Variants in RALGAPA2 observed in about 807,000 individuals in gnomAD.
RALGAPA2 encodes the protein Ral GTPase activating protein catalytic subunit alpha 2.
RALGAPA2 carries 139 observed loss-of-function variants against 230.4 expected under a neutral mutation model. The observed-to-expected ratio is 0.60, with a 90% CI of 0.53 to 0.69. The LOEUF (loss-of-function observed/expected upper bound fraction) is 0.69, where lower values mean the gene tolerates loss of function less well. RALGAPA2 is among the 30% of genes least tolerant of loss of function. The pLI, the probability that RALGAPA2 is intolerant of heterozygous loss-of-function variation, is 0.00. For missense variants in RALGAPA2, 2,163 were observed against 2,276.0 expected, an observed-to-expected ratio of 0.95 and a Z score of 1.01; for synonymous variants, 847 against 837.8, an observed-to-expected ratio of 1.01 and a Z score of -0.19.
intron 1 of RALGAPA2, among the ~76,000 whole-genome samples, chr20:20,696,581 A>G (rs1568767392): frequency 6.6e-6 from 1 of 151,730 alleles, no homozygotes; most frequent in Non-Finnish European, 1.5e-5. Flanking sequence ...ACACCATCTT[A>G]TCCCTATTTC....
chr20:20,512,742 T>A lies in RALGAPA2; in HGVS notation c.4627A>T (p.Asn1543Tyr), dbSNP rs1163313514. 2 of 1,613,820 alleles carry A rather than the reference T, an allele frequency of 1.2e-6. No individual in the cohort carries two copies. The highest frequency in any genetic ancestry group is 4.5e-5 in the East Asian group (2 of 44,874). The change falls in exon 32 of 40, where the codon AAT becomes TAT. Residue 1543 changes from asparagine (N) to tyrosine (Y), a missense_variant. Transcript: ENST00000202677. ...CCACATGGGGTTAGGGAAGGTTCAT[T>A]TAGATTTAGCTGTGACGGTAAAAGG... ...ECLLPSQLNLNEPSLTPCGMN... is the reference protein window; with the variant it reads ...ECLLPSQLNLYEPSLTPCGMN...
intron 4 of RALGAPA2, among the ~76,000 whole-genome samples, chr20:20,648,569 C>T (rs1260888318): frequency 6.6e-6 from 1 of 151,724 alleles, no homozygotes; most frequent in African/African-American, 2.4e-5. Flanking sequence ...AAAGATCAGG[C>T]GACCTGGAAG....
chr20:20,603,906 T>A (rs1277104500), intron 15 of RALGAPA2, among the ~76,000 whole-genome samples: 2 of 152,206 alleles, frequency 1.3e-5, no homozygotes, highest in African/African-American at 2.4e-5. Context: ...ATAAGCAGTG[T>A]GTACCCTTTA....
chr20:20,537,417 C>T lies in RALGAPA2; in HGVS notation c.3286-633G>A, dbSNP rs374793790. 1.9e-3 allele frequency among the ~76,000 whole-genome samples: 291 copies of T among 151,842 alleles called. 1 individual carries two copies. The highest frequency in any genetic ancestry group is 6.5e-3 in the African/African-American group (270 of 41,402). ...GGTGGATCACCTGAAGTCAGGAGTT[C>T]GAGACCAGCCTGGCCAACATGGTGA... On this transcript the variant is annotated intron_variant, in intron 24 of 39. Coordinates refer to ENST00000202677, the MANE Select transcript of RALGAPA2 (RefSeq NM_020343.4).
intron 4 of RALGAPA2, among the ~76,000 whole-genome samples, chr20:20,644,968 T>C (rs2067158813): frequency 6.6e-6 from 1 of 152,218 alleles, no homozygotes; most frequent in African/African-American, 2.4e-5. Flanking sequence ...CAGTTCTCTT[T>C]CCAGCCATCT....
chr20:20,562,941 T>C (rs2064301955), intron 23 of RALGAPA2, among the ~76,000 whole-genome samples: 3 of 152,230 alleles, frequency 2.0e-5, no homozygotes, highest in South Asian at 4.1e-4. Context: ...AAAACTTTCA[T>C]TGATAAATTT....
rs932874654 is a variant in RALGAPA2 at position 20,396,829 on chromosome 20, C to G, written c.5618-95G>C. Reference sequence around the variant, plus strand: ...ACACAGTGCTAATAATACATTTATCCCTGAGCTGCCCAAGCATTTCTGCAG... The same window carrying G: ...ACACAGTGCTAATAATACATTTATCGCTGAGCTGCCCAAGCATTTCTGCAG... On this transcript the variant is annotated intron_variant, in intron 38 of 39. Transcript: ENST00000202677. 5 of 1,045,806 alleles carry G rather than the reference C, an allele frequency of 4.8e-6. No individual in the cohort carries two copies. In the African/African-American group the frequency reaches 8.0e-5, roughly 17 times the overall value. 64.8% of individuals were successfully genotyped at this position (1,045,806 alleles called of 1,614,324 possible).
At chr20:20,655,827 T>C (rs376995992) in intron 3 of RALGAPA2, among the ~76,000 whole-genome samples, 1 of 151,952 alleles carries the variant, frequency 6.6e-6, no homozygotes, top group Admixed American at 6.6e-5. Context: ...GGAGATAAAA[T>C]TGTCAGGATA....
chr20:20,573,827 A>G (rs1300987763), intron 20 of RALGAPA2, among the ~76,000 whole-genome samples: 1 of 152,184 alleles, frequency 6.6e-6, no homozygotes, highest in Non-Finnish European at 1.5e-5. Context: ...GTCATAGTTT[A>G]TCCATTCACC....
intron 36 of RALGAPA2, among the ~76,000 whole-genome samples, chr20:20,476,534 T>C (rs560126899): frequency 6.6e-6 from 1 of 151,866 alleles, no homozygotes; most frequent in African/African-American, 2.4e-5. Flanking sequence ...CTTCATCTCA[T>C]ATCACACACA....
chr20:20,640,809 G>A lies in RALGAPA2; in HGVS notation c.442C>T (p.Gln148Ter). Reference protein sequence around the residue: ...QALQTNCAEEQVLIFACLVPG... With the variant: ...QALQTNCAEE ...ACCAGGCAAGCAAAAATCAGAACCT[G>A]CTCTTCTGCACAGTTTGTCTGAAGT... Residue 148 changes from glutamine to a stop codon, truncating the protein, a stop_gained, in exon 6 of 40, where the codon CAG becomes TAG. Transcript: ENST00000202677. LOFTEE classifies it high-confidence loss of function. 6.2e-7 allele frequency: 1 copy of A among 1,613,752 alleles called. No individual in the cohort carries two copies. The highest frequency in any genetic ancestry group is 8.5e-7 in the Non-Finnish European group (1 of 1,179,728).
chr20:20,574,957 C>T (rs2064772689), intron 20 of RALGAPA2, among the ~76,000 whole-genome samples: 1 of 152,148 alleles, frequency 6.6e-6, no homozygotes, highest in Non-Finnish European at 1.5e-5. Context: ...CCACCAAAGA[C>T]TTCCATGTTG....
intron 1 of RALGAPA2, among the ~76,000 whole-genome samples, chr20:20,710,543 G>A (rs1336202000): frequency 6.6e-6 from 1 of 152,062 alleles, no homozygotes; most frequent in African/African-American, 2.4e-5. Flanking sequence ...CCACTAGTAA[G>A]TATATCAACA....
intron 3 of RALGAPA2, among the ~76,000 whole-genome samples, chr20:20,673,310 A>G (rs995585689): frequency 5.9e-5 from 9 of 152,178 alleles, no homozygotes; most frequent in African/African-American, 2.2e-4. Context: ...AAGCTGCTAC[A>G]ATGGCAACTA....
intron 1 of RALGAPA2, among the ~76,000 whole-genome samples, chr20:20,702,741 C>T (rs1314379193): frequency 1.3e-5 from 2 of 152,124 alleles, no homozygotes; most frequent in Admixed American, 1.3e-4. Context: ...GTCACAAGTA[C>T]CATGCTTGTA....
chr20:20,575,705 C>A (rs1483548383), intron 20 of RALGAPA2, among the ~76,000 whole-genome samples: 1 of 152,096 alleles, frequency 6.6e-6, no homozygotes, highest in Non-Finnish European at 1.5e-5. Context: ...TTTTAGAGAA[C>A]CCGCATTAAT....
chr20:20,517,687 GCATA>G (rs1344084347), intron 31 of RALGAPA2, among the ~76,000 whole-genome samples: 13 of 151,922 alleles, frequency 8.6e-5, no homozygotes. Context: ...GAGAAAGTCA[GCATA>G]CAAAGACTCT....
intron 16 of RALGAPA2, among the ~76,000 whole-genome samples, chr20:20,596,501 A>G (rs757757771): frequency 5.3e-5 from 8 of 152,174 alleles, no homozygotes; most frequent in Non-Finnish European, 1.2e-4. Context: ...GGCAAATTCA[A>G]TACTCTAATG....
intron 23 of RALGAPA2, among the ~76,000 whole-genome samples, chr20:20,548,924 G>A (rs1227799021): frequency 3.3e-5 from 5 of 152,178 alleles, no homozygotes; most frequent in African/African-American, 7.2e-5. Context: ...GAAAGGATTC[G>A]TGCAAACCTG....
Sources: allele counts gnomAD v4.1 joint callset (sites outside exome capture counted in the v4.1 genomes callset), GRCh38; gene constraint gnomAD v4.1.1; transcripts MANE v1.5; gene names NCBI Gene and HGNC (gene_info 2026-07-23, HGNC 2026-07-21).